Variants in TRDN observed in about 807,000 individuals in gnomAD.
The protein encoded by TRDN is triadin in skeletal muscle.
Under a neutral mutation model 149.7 loss-of-function variants are expected in TRDN, and 161 were observed. The observed-to-expected ratio is 1.08, with a 90% confidence interval of 0.95 to 1.23. TRDN has a LOEUF of 1.23. Among genes scored for constraint, TRDN ranks in the 50% most tolerant of loss-of-function variants. The pLI, the probability that TRDN is intolerant of heterozygous loss-of-function variation, is 0.00. For synonymous variants in TRDN, 294 were observed against 250.5 expected, an observed-to-expected ratio of 1.17 and a Z score of -1.64; for missense variants, 896 against 823.5, an observed-to-expected ratio of 1.09 and a Z score of -1.08.
intron 21 of TRDN, chr6:123,352,117 T>A (rs1283415775): frequency 2.0e-6 from 2 of 983,780 alleles, no homozygotes; most frequent in Non-Finnish European, 2.4e-6. Context: ...TTTTAACTTT[T>A]ACATATTTTT....
intron 21 of TRDN, among the ~76,000 whole-genome samples, chr6:123,347,377 T>C (rs9388230): frequency 0.7 from 105,617 of 151,774 alleles, 38,183 homozygotes; most frequent in East Asian, 0.85. Flanking sequence ...TTTTTTATAG[T>C]TTTTTTTCTG....
intron 7 of TRDN, among the ~76,000 whole-genome samples, chr6:123,507,475 T>C (rs1012443190): frequency 2.0e-5 from 3 of 152,096 alleles, no homozygotes; most frequent in African/African-American, 7.2e-5. Context: ...AATAGATAAC[T>C]TTGCCTCATA....
intron 39 of TRDN, 48 bp downstream of exon 39, chr6:123,224,045 A>G (rs1389596256): frequency 1.9e-5 from 30 of 1,569,398 alleles, no homozygotes; most frequent in Non-Finnish European, 2.5e-5. Context: ...CAAAAACCTT[A>G]TAGCTTTGAG....
chr6:123,238,124 C>A (rs1201121352), intron 38 of TRDN, among the ~76,000 whole-genome samples: 1 of 152,146 alleles, frequency 6.6e-6, no homozygotes, highest in Admixed American at 6.5e-5. Flanking sequence ...ACTAACAGAA[C>A]TCTACCCAAG....
At chr6:123,523,575 G>A (rs1042040414) in intron 5 of TRDN, among the ~76,000 whole-genome samples, 1 of 152,134 alleles carries the variant, frequency 6.6e-6, no homozygotes, top group African/African-American at 2.4e-5. Context: ...TTAATGCTGG[G>A]AAATCAGTTA....
At chr6:123,518,398 T>C (rs1324349256) in intron 5 of TRDN, among the ~76,000 whole-genome samples, 6 of 152,128 alleles carry the variant, frequency 3.9e-5, no homozygotes, top group Non-Finnish European at 8.8e-5. Context: ...ACAAAGCGTC[T>C]TTTAAAGTTT....
At chr6:123,451,563 C>A (rs1775773984) in intron 10 of TRDN, among the ~76,000 whole-genome samples, 1 of 151,954 alleles carries the variant, frequency 6.6e-6, no homozygotes, top group Non-Finnish European at 1.5e-5. Flanking sequence ...GAATTAGATA[C>A]CCTAAGCAGA....
At chr6:123,278,839 C>T (rs1479784073) in intron 25 of TRDN, among the ~76,000 whole-genome samples, 30 of 152,102 alleles carry the variant, frequency 2.0e-4, no homozygotes, top group Admixed American at 2.0e-3. Flanking sequence ...AGGAAAGATG[C>T]TTCCAGTGAA....
At chr6:123,511,071 A>G (rs1779161905) in intron 7 of TRDN, among the ~76,000 whole-genome samples, 1 of 152,190 alleles carries the variant, frequency 6.6e-6, no homozygotes, top group South Asian at 2.1e-4. Context: ...AATGTCCTAA[A>G]GTGTTTCCCC....
At chr6:123,277,505 G>C (rs1777411510) in intron 26 of TRDN, among the ~76,000 whole-genome samples, 1 of 152,124 alleles carries the variant, frequency 6.6e-6, no homozygotes, top group Non-Finnish European at 1.5e-5. Flanking sequence ...GTGGTCATGG[G>C]GCAGTAGGGT....
intron 19 of TRDN, among the ~76,000 whole-genome samples, chr6:123,371,026 T>G (rs1357815445): frequency 1.3e-5 from 2 of 151,842 alleles, no homozygotes; most frequent in Non-Finnish European, 2.9e-5. Context: ...TTATCTTTCT[T>G]TATTGCATTT....
chr6:123,494,661 A>T (rs967522066), intron 9 of TRDN, among the ~76,000 whole-genome samples: 4 of 152,196 alleles, frequency 2.6e-5, no homozygotes, highest in African/African-American at 9.6e-5. Context: ...ACTTTACAAA[A>T]ATTATGTGTA....
chr6:123,452,609 A>G (rs959388114), intron 10 of TRDN, among the ~76,000 whole-genome samples: 3 of 152,254 alleles, frequency 2.0e-5, no homozygotes, highest in African/African-American at 7.2e-5. Context: ...AGACAACACA[A>G]ACAAATGGAA....
intron 10 of TRDN, chr6:123,445,067 A>G (rs1400015877): frequency 6.6e-6 from 1 of 151,780 alleles, no homozygotes; most frequent in Admixed American, 6.5e-5. Context: ...CTCTTTTTCT[A>G]TTGATTGGAA....
chr6:123,419,434 T>C (rs1773801724), intron 12 of TRDN, among the ~76,000 whole-genome samples: 1 of 152,126 alleles, frequency 6.6e-6, no homozygotes, highest in Non-Finnish European at 1.5e-5. Context: ...TGGAGTACAG[T>C]GGTGTGATAA....
At chr6:123,396,957 T>C (rs1215012397) in intron 12 of TRDN, among the ~76,000 whole-genome samples, 1 of 152,122 alleles carries the variant, frequency 6.6e-6, no homozygotes, top group Non-Finnish European at 1.5e-5. Flanking sequence ...CCAGAATTGG[T>C]CTTTGGCTAA....
At chr6:123,317,915 G>C (rs1779088692) in intron 23 of TRDN, among the ~76,000 whole-genome samples, 2 of 151,908 alleles carry the variant, frequency 1.3e-5, no homozygotes, top group African/African-American at 2.4e-5. Context: ...TGCAACTAGA[G>C]ATAAAAATTC....
intron 1 of TRDN, among the ~76,000 whole-genome samples, chr6:123,613,877 A>G (rs906770244): frequency 2.0e-4 from 31 of 152,194 alleles, no homozygotes; most frequent in Admixed American, 3.9e-4. Context: ...GCTCATATAC[A>G]TTCTTTCAAA....
chr6:123,556,666 C>A lies in TRDN; in HGVS notation c.233-8054G>T, dbSNP rs181872890. 5.1e-4 allele frequency among the ~76,000 whole-genome samples: 78 copies of A among 151,740 alleles called. 1 individual carries two copies. In the Middle Eastern group the frequency reaches 0.034, roughly 66 times the overall value. On this transcript the variant is annotated intron_variant, in intron 2 of 40. Transcript: ENST00000334268. ...TCTTCTTCTTCCTCTTCCTCTTCTTCTTCTTTTCTCTCTCACTGTCTCTAA... is the reference window on the plus strand; with the variant it reads ...TCTTCTTCTTCCTCTTCCTCTTCTTATTCTTTTCTCTCTCACTGTCTCTAA...
Sources: allele counts gnomAD v4.1 joint callset (sites outside exome capture counted in the v4.1 genomes callset), GRCh38; gene constraint gnomAD v4.1.1; transcripts MANE v1.5; gene names NCBI Gene and HGNC (gene_info 2026-07-23, HGNC 2026-07-21).